Variants in ARL10 observed in about 807,000 individuals in gnomAD.
The protein encoded by ARL10 is ARF like GTPase 10.
In ARL10, 23 loss-of-function variants were observed where a neutral mutation model predicts 26.1. The observed-to-expected ratio is 0.88, with a 90% CI of 0.63 to 1.25. The LOEUF is 1.25. ARL10 is among the 50% of genes most tolerant of loss of function. The pLI is 0.00. For missense variants in ARL10, 300 were observed against 323.6 expected, an observed-to-expected ratio of 0.93 and a Z score of 0.56; for synonymous variants, 138 against 149.1, an observed-to-expected ratio of 0.93 and a Z score of 0.54.
downstream of ARL10, among the ~76,000 whole-genome samples, chr5:176,390,392 C>G (rs1756221886): frequency 6.6e-6 from 1 of 152,004 alleles, no homozygotes; most frequent in Non-Finnish European, 1.5e-5. Context: ...TCACCCTGCT[C>G]CCACCTCCCT....
At chr5:176,414,366 G>C in the ARL10 span, among the ~76,000 whole-genome samples, 2 of 152,050 alleles carry the variant, frequency 1.3e-5, no homozygotes, top group Admixed American at 6.6e-5. Flanking sequence ...TCAGATAGGT[G>C]GCAAAAGACC....
the ARL10 span, among the ~76,000 whole-genome samples, chr5:176,411,090 T>C: frequency 6.6e-6 from 1 of 152,256 alleles, no homozygotes; most frequent in African/African-American, 2.4e-5. Flanking sequence ...ACTGTGTCTC[T>C]TTCTCTTCTC....
chr5:176,393,374 A>T (rs934918660), downstream of ARL10, among the ~76,000 whole-genome samples: 1 of 152,158 alleles, frequency 6.6e-6, no homozygotes, highest in Non-Finnish European at 1.5e-5. The surrounding 1 kb of genome is among the most constrained non-coding windows in gnomAD (Gnocchi z 4.4). Flanking sequence ...ATTTCCAAAA[A>T]CTTGGCAGAA....
rs927733821 is a variant in ARL10 at position 176,368,861 on chromosome 5, A to T, written c.440A>T (p.Asp147Val). Residue 147 changes from aspartate (D) to valine (V), a missense_variant, in exon 3 of 4, where the codon GAT (aspartate) becomes GTT (valine). Physicochemically the swap from Asp to Val is radical, Grantham distance 152. Transcript: ENST00000310389. This position sits in a 1 kb window ranked among gnomAD's most constrained non-coding sequence, Gnocchi z 4.1. ...TGGAAGGAGTTTGTGAGCGAGGTGG[A>T]TGTGCTGGTGTTTGTGGTGGACTCG... Reference protein sequence around the residue: ...FYWKEFVSEVDVLVFVVDSAD... With the variant: ...FYWKEFVSEVVVLVFVVDSAD... 1.9e-6 allele frequency: 3 copies of T among 1,613,962 alleles called. No homozygotes were observed. In the African/African-American group the frequency reaches 4.0e-5, roughly 22 times the overall value.
chr5:176,382,764 A>C (rs1755583534), downstream of ARL10, among the ~76,000 whole-genome samples: 1 of 152,114 alleles, frequency 6.6e-6, no homozygotes, highest in African/African-American at 2.4e-5. Flanking sequence ...CGTCTCACAA[A>C]ACCTACAAGA....
rs1755535646 is a variant in ARL10 at position 176,380,767 on chromosome 5, G to GCCCCATAATTCTT, written c.*8872_*8873insCCCCATAATTCTT. ...TTACAGGTGTGAGCCATCACACCCG[G>GCCCCATAATTCTT]ACTTGTTTTGTTTTTTGAGATAGAG... is the stretch of plus-strand genomic sequence containing the variant. On this transcript the variant is annotated 3_prime_UTR_variant, in exon 4 of 4. Coordinates refer to ENST00000310389, the MANE Select transcript of ARL10 (RefSeq NM_173664.6). 6.6e-6 allele frequency: 1 copy of GCCCCATAATTCTT among 151,968 alleles called. No individual in the cohort carries two copies. The highest frequency in any genetic ancestry group is 6.6e-5 in the Admixed American group (1 of 15,240). 9.4% of individuals were successfully genotyped at this position (151,968 alleles called of 1,614,324 possible). A position where few individuals can be genotyped will look rare whatever the true frequency, so the allele number is the denominator to read the frequency against.
downstream of ARL10, chr5:176,389,343 C>G: frequency 6.2e-7 from 1 of 1,613,230 alleles, no homozygotes; most frequent in South Asian, 1.1e-5. Flanking sequence ...TGCCTGGCCA[C>G]GGCGGCCGCC....
chr5:176,383,044 A>G (rs2113570334), downstream of ARL10, among the ~76,000 whole-genome samples: 1 of 152,252 alleles, frequency 6.6e-6, no homozygotes, highest in Admixed American at 6.5e-5. Flanking sequence ...CCTTGATGGT[A>G]TGGGACTGAT....
downstream of ARL10, chr5:176,385,159 G>T: frequency 1.1e-6 from 1 of 912,896 alleles, no homozygotes; most frequent in Non-Finnish European, 1.9e-6. Context: ...TGCGCAAGCA[G>T]ATCAAGCCGC....
At chr5:176,395,498 G>A (rs1221294105) in intron 1 of ARL10, among the ~76,000 whole-genome samples, 1 of 152,354 alleles carries the variant, frequency 6.6e-6, no homozygotes, top group South Asian at 2.1e-4. Context: ...AGGAGGCTTA[G>A]CCTCGACACA....
At chr5:176,385,547 G>C (rs924262159), downstream of ARL10, among the ~76,000 whole-genome samples, 3 of 152,120 alleles carry the variant, frequency 2.0e-5, no homozygotes, top group Admixed American at 2.0e-4. Flanking sequence ...CTACCAGTAT[G>C]GCAACTTTTG....
intron 1 of ARL10, chr5:176,396,468 C>A (rs369257313): frequency 3.8e-5 from 61 of 1,612,522 alleles, no homozygotes; most frequent in Non-Finnish European, 5.1e-5. Flanking sequence ...AGAAGCAAAA[C>A]AGACACGTAC....
At chr5:176,396,342 G>T in intron 1 of ARL10, 1 of 792,430 alleles carries the variant, frequency 1.3e-6, no homozygotes, top group Non-Finnish European at 2.2e-6. Context: ...GCACCCACCA[G>T]GGCATTTGCC....
chr5:176,395,604 A>T (rs1756481626), intron 1 of ARL10, among the ~76,000 whole-genome samples: 2 of 152,120 alleles, frequency 1.3e-5, no homozygotes, highest in Non-Finnish European at 2.9e-5. Flanking sequence ...TGTCTCTACC[A>T]ACTAACTGAC....
downstream of ARL10, chr5:176,384,098 G>A (rs1755634854): frequency 6.2e-7 from 1 of 1,605,190 alleles, no homozygotes; most frequent in Non-Finnish European, 8.5e-7. Flanking sequence ...GCACGTGTGT[G>A]TGTAACCTTC....
At chr5:176,401,976 G>A, downstream of ARL10, 2 of 328,044 alleles carry the variant, frequency 6.1e-6, no homozygotes, top group Non-Finnish European at 1.2e-5. Flanking sequence ...CCTATTCGGA[G>A]TCTAAATCCG....
chr5:176,379,395 C>CT lies in ARL10; in HGVS notation c.*7501dup, dbSNP rs1755498602. The stretch of plus-strand genomic sequence containing the variant: ...GTTCGTCAGGGCTGGTCTCGATCTC[C>CT]TGACCTCAGGTGATCCACCCGCCTC... On this transcript the variant is annotated 3_prime_UTR_variant, in exon 4 of 4. Transcript: ENST00000310389. 1 of 152,100 alleles carries CT rather than the reference C, an allele frequency of 6.6e-6. No individual in the cohort carries two copies. The highest frequency in any genetic ancestry group is 1.5e-5 in the Non-Finnish European group (1 of 68,018). 9.4% of individuals were successfully genotyped at this position (152,100 alleles called of 1,614,324 possible). A position where few individuals can be genotyped will look rare whatever the true frequency, so the allele number is the denominator to read the frequency against.
rs1468758785 is a variant in ARL10, at chr5:176,368,170, C to G, written c.386-637C>G. On this transcript the variant is annotated intron_variant, in intron 2 of 3. Coordinates refer to ENST00000310389, the MANE Select transcript of ARL10 (RefSeq NM_173664.6). This position sits in a 1 kb window ranked among gnomAD's most constrained non-coding sequence, Gnocchi z 4.1. The stretch of plus-strand genomic sequence containing the variant: ...AGCAGAGAGGAAAAGAAAGGTGATC[C>G]AGGCTGGGGGACTGTGTTGGCAACC... The G allele has an allele frequency of 1.5e-5, 6 of 398,722 alleles. No individual in the cohort carries two copies. The highest frequency in any genetic ancestry group is 1.3e-4 in the African/African-American group (6 of 47,348). 24.7% of individuals were successfully genotyped at this position (398,722 alleles called of 1,614,324 possible). A position where few individuals can be genotyped will look rare whatever the true frequency, so the allele number is the denominator to read the frequency against.
At chr5:176,365,813 A>G (rs958842100) in intron 1 of ARL10, 67 bp downstream of exon 1, 4 of 1,228,960 alleles carry the variant, frequency 3.3e-6, no homozygotes, top group Non-Finnish European at 4.1e-6. Context: ...CATGTGGCCA[A>G]GGGGTGTGAC....
Sources: gnomAD v4.1 joint callset for allele counts (sites outside exome capture counted in the v4.1 genomes callset) on GRCh38, gnomAD v4.1.1 for gene constraint, Gnocchi (gnomAD v3.1) non-coding constraint, MANE v1.5 for transcripts, NCBI Gene and HGNC (gene_info 2026-07-23, HGNC 2026-07-21) for gene names.